LRCH1: variants seen among roughly 807,000 people sequenced by gnomAD.
The protein encoded by LRCH1 is leucine rich repeats and calponin homology domain containing 1.
A neutral mutation model predicts 94.9 loss-of-function variants in LRCH1; 23 were observed. The ratio of observed to expected loss-of-function variants is 0.24; its 90% confidence interval spans 0.17 to 0.34. LRCH1 has a LOEUF of 0.34. Ranked by LOEUF, LRCH1 falls within the 10% of genes least tolerant of loss-of-function variation. The pLI is 1.00. For synonymous variants in LRCH1, 364 were observed against 354.9 expected, an observed-to-expected ratio of 1.03 and a Z score of -0.29; for missense variants, 790 against 945.9, an observed-to-expected ratio of 0.84 and a Z score of 2.16.
At chr13:46,723,704 G>A (rs899663685) in intron 17 of LRCH1, among the ~76,000 whole-genome samples, 2 of 152,050 alleles carry the variant, frequency 1.3e-5, no homozygotes, top group Non-Finnish European at 2.9e-5. Flanking sequence ...GGAGGCTGAG[G>A]TGGGAGGATC....
At chr13:46,697,575 A>G (rs1271224122) in intron 9 of LRCH1, among the ~76,000 whole-genome samples, 1 of 152,210 alleles carries the variant, frequency 6.6e-6, no homozygotes, top group Admixed American at 6.5e-5. Context: ...GTGTGAAAAC[A>G]TGGCACTAAC....
At chr13:46,720,852 T>C (rs1277948112) in intron 16 of LRCH1, among the ~76,000 whole-genome samples, 1 of 152,126 alleles carries the variant, frequency 6.6e-6, no homozygotes, top group Non-Finnish European at 1.5e-5. Flanking sequence ...CCTAAAGAGA[T>C]TGCCTTAAGT....
intron 1 of LRCH1, among the ~76,000 whole-genome samples, chr13:46,605,058 G>A (rs1359872168): frequency 1.3e-5 from 2 of 152,218 alleles, no homozygotes; most frequent in Non-Finnish European, 2.9e-5. Context: ...ATCCCTTTGT[G>A]TGGAGAGGCC....
At chr13:46,737,339 A>G (rs977382932) in intron 19 of LRCH1, among the ~76,000 whole-genome samples, 3 of 152,116 alleles carry the variant, frequency 2.0e-5, no homozygotes, top group Non-Finnish European at 1.5e-5. Context: ...GGCTCAAGAC[A>G]CCCTCCTGCC....
chr13:46,555,748 C>G (rs1031926934), intron 1 of LRCH1, among the ~76,000 whole-genome samples: 5 of 152,154 alleles, frequency 3.3e-5, no homozygotes, highest in African/African-American at 1.2e-4. Context: ...TCAACCCCAT[C>G]AGAAAAGTAT....
At chr13:46,737,600 A>G (rs1873447779) in intron 19 of LRCH1, among the ~76,000 whole-genome samples, 1 of 152,210 alleles carries the variant, frequency 6.6e-6, no homozygotes, top group Non-Finnish European at 1.5e-5. Context: ...GCAAGCATCA[A>G]CTTGGTCTTG....
At chr13:46,648,346 ACCT>A (rs1279375487) in intron 1 of LRCH1, among the ~76,000 whole-genome samples, 2 of 152,012 alleles carry the variant, frequency 1.3e-5, no homozygotes, top group South Asian at 2.1e-4. Context: ...CCTGACACTC[ACCT>A]CCTGCTGTGC....
At chr13:46,748,485 T>C (rs1006258228), downstream of LRCH1, among the ~76,000 whole-genome samples, 6 of 152,202 alleles carry the variant, frequency 3.9e-5, no homozygotes, top group Admixed American at 2.0e-4. Flanking sequence ...TTTGCCCTTA[T>C]AGAACCTGCC....
At chr13:46,605,116 T>TCTTAGC (rs2050673515) in intron 1 of LRCH1, among the ~76,000 whole-genome samples, 1 of 152,234 alleles carries the variant, frequency 6.6e-6, no homozygotes, top group South Asian at 2.1e-4. Context: ...CTGAAAAGTT[T>TCTTAGC]ATTGAAATAA....
In LRCH1 at chr13:46,744,695, T is replaced by C. The variant is rs556380584; in HGVS notation, c.*2847T>C. 7.1e-6 allele frequency: 7 copies of C among 985,408 alleles called. No homozygotes were observed. In the African/African-American group the frequency reaches 8.7e-5, roughly 12 times the overall value. The allele number at this position is 985,408 out of a possible 1,614,324, so 61.0% of individuals were successfully genotyped here. ...CTCGAAAACTCATGTAGATGCCTGA[T>C]TGAGTCATAAGGACAAAAGGGTGTT... On this transcript the variant is annotated 3_prime_UTR_variant, in exon 20 of 20. Coordinates refer to ENST00000389797, the MANE Select transcript of LRCH1 (RefSeq NM_001164211.2).
At chr13:46,589,228 A>G (rs917835383) in intron 1 of LRCH1, among the ~76,000 whole-genome samples, 7 of 151,192 alleles carry the variant, frequency 4.6e-5, no homozygotes, top group Admixed American at 4.6e-4. Flanking sequence ...CTATAGAGAG[A>G]AATCTTACCA....
intron 1 of LRCH1, among the ~76,000 whole-genome samples, chr13:46,561,326 T>A (rs1345213557): frequency 6.6e-6 from 1 of 152,218 alleles, no homozygotes; most frequent in Non-Finnish European, 1.5e-5. Flanking sequence ...CTTTTTTCCC[T>A]CAGTCCCTCT....
exon 19 of LRCH1, chr13:46,750,637 C>T: frequency 1.3e-6 from 2 of 1,550,844 alleles, no homozygotes; most frequent in Non-Finnish European, 1.7e-6. Flanking sequence ...GTAACGAAGG[C>T]TCTGTTCACA....
At chr13:46,575,314 A>G (rs1447993966) in intron 1 of LRCH1, among the ~76,000 whole-genome samples, 2 of 152,110 alleles carry the variant, frequency 1.3e-5, no homozygotes, top group East Asian at 1.9e-4. Context: ...AAGATAGTCT[A>G]TCGTATGACT....
rs371289122 is a variant in LRCH1 at position 46,567,014 on chromosome 13, C to A, written c.307+13311C>A. Among the ~76,000 whole-genome samples the A allele has an allele frequency of 2.6e-5, 4 of 152,348 alleles. No homozygotes were observed. The South Asian group carries it at 8.3e-4, about 32-fold the overall frequency. ...TCTGTTATTAAAAAATATAGACACACATTTGGGTTTTCAGCTTTGGTATAA... is the reference window on the plus strand; with the variant it reads ...TCTGTTATTAAAAAATATAGACACAAATTTGGGTTTTCAGCTTTGGTATAA... On this transcript the variant is annotated intron_variant, in intron 1 of 19. Coordinates refer to ENST00000389797, the MANE Select transcript of LRCH1 (RefSeq NM_001164211.2).
chr13:46,642,635 T>G (rs1019942617), intron 1 of LRCH1, among the ~76,000 whole-genome samples: 4 of 152,208 alleles, frequency 2.6e-5, no homozygotes, highest in African/African-American at 7.2e-5. Flanking sequence ...AACCTAGCAA[T>G]GCTTAATTCT....
intron 11 of LRCH1, among the ~76,000 whole-genome samples, chr13:46,703,097 C>T (rs189217270): frequency 3.9e-4 from 59 of 152,182 alleles, no homozygotes; most frequent in Admixed American, 3.1e-3. Flanking sequence ...CATCCCAAGC[C>T]GGGGCAGTTA....
chr13:46,687,498 T>C (rs1342866857), intron 5 of LRCH1, among the ~76,000 whole-genome samples: 1 of 152,244 alleles, frequency 6.6e-6, no homozygotes, highest in Non-Finnish European at 1.5e-5. Context: ...TTCTATCAGC[T>C]CGAAAATAAT....
At position 46,711,799 on chromosome 13, in the gene LRCH1, T is replaced by G; in HGVS notation, c.1536T>G (p.Ser512Arg). The G allele has an allele frequency of 6.2e-7, 1 of 1,612,942 alleles. No homozygotes were observed. Among genetic ancestry groups the G allele is most frequent in the South Asian group, 1.1e-5 (1 of 90,968 alleles). The part of the protein sequence containing the change: ...LETSPVCEVQ[S>R]DLTLQSNGSQ... ...TGTTCTTCTTTTTTAAGGTGCAAAG[T>G]GATCTAACATTACAGAGTAACGGGA... Residue 512 changes from serine (S) to arginine (R), a missense_variant, in exon 14 of 20, where the codon AGT (serine) becomes AGG (arginine). Physicochemically the swap from Ser to Arg is moderately radical, Grantham distance 110. Around this residue, in one of 3 missense-constraint regions of LRCH1, gnomAD observed 460 missense variants for 508.9 expected, o/e 0.90. Transcript: ENST00000389797.
Sources: gnomAD v4.1 joint callset for allele counts (sites outside exome capture counted in the v4.1 genomes callset) on GRCh38, gnomAD v4.1.1 for gene constraint, gnomAD v4.1.1 regional missense constraint, MANE v1.5 for transcripts, NCBI Gene and HGNC (gene_info 2026-07-23, HGNC 2026-07-21) for gene names.